Variants in MED13L observed in about 807,000 individuals in gnomAD.
MED13L encodes the protein mediator complex subunit 13L.
A neutral mutation model predicts 220.9 loss-of-function variants in MED13L; 7 were observed. The observed-to-expected ratio is 0.03, with a 90% CI of 0.02 to 0.06. MED13L has a LOEUF of 0.06. Among genes scored for constraint, MED13L ranks in the 10% least tolerant of loss-of-function variants. The pLI is 1.00. For synonymous variants in MED13L, 1,011 were observed against 1,015.2 expected, an observed-to-expected ratio of 1.00 and a Z score of 0.08; for missense variants, 1,965 against 2,760.5, an observed-to-expected ratio of 0.71 and a Z score of 6.46.
chr12:115,971,696 G>A (rs1283785754), intron 26 of MED13L, among the ~76,000 whole-genome samples: 2 of 152,166 alleles, frequency 1.3e-5, no homozygotes, highest in African/African-American at 2.4e-5. Context: ...CGAGGCTGCT[G>A]AGAGATTCTG....
intron 14 of MED13L, among the ~76,000 whole-genome samples, chr12:116,002,189 T>C (rs1159243406): frequency 6.6e-6 from 1 of 152,230 alleles, no homozygotes; most frequent in African/African-American, 2.4e-5. Flanking sequence ...GAGAAAGCTT[T>C]GCATATTTTA....
At chr12:115,962,160 T>C (rs1875808054) in intron 30 of MED13L, among the ~76,000 whole-genome samples, 1 of 152,188 alleles carries the variant, frequency 6.6e-6, no homozygotes, top group Admixed American at 6.5e-5. Context: ...GAGGTTCACA[T>C]TGTATTTCTA....
rs763041697 is a variant in MED13L at position 115,991,310 on chromosome 12, G to T, written c.3644C>A (p.Thr1215Asn). 6.2e-7 allele frequency: 1 copy of T among 1,614,032 alleles called. No homozygotes were observed. The highest frequency in any genetic ancestry group is 2.2e-5 in the East Asian group (1 of 44,870). Residue 1215 changes from threonine to asparagine, a missense_variant, in exon 17 of 31, where the codon ACC (threonine) becomes AAC (asparagine). Transcript: ENST00000281928. The surrounding 1 kb of genome is among the most constrained non-coding windows in gnomAD (Gnocchi z 7.7). ...TATGGGTGGCTCCTGGGGTTTTTTG[G>T]TTCCTTCCACCTGAGGAAGGAAGGT... Reference protein sequence around the residue: ...QSTFLPQVEGTKKPQEPPISL... With the variant: ...QSTFLPQVEGNKKPQEPPISL...
chr12:116,115,599 T>C (rs942348645), intron 2 of MED13L, among the ~76,000 whole-genome samples: 1 of 151,452 alleles, frequency 6.6e-6, no homozygotes, highest in Non-Finnish European at 1.5e-5. Context: ...CAGTTACAAA[T>C]CACATATCTG....
chr12:116,096,159 G>C (rs888618451), intron 4 of MED13L, among the ~76,000 whole-genome samples: 1 of 151,646 alleles, frequency 6.6e-6, no homozygotes, highest in African/African-American at 2.4e-5. Flanking sequence ...TTCGAGACCA[G>C]CCTGGGCAAC....
intron 2 of MED13L, among the ~76,000 whole-genome samples, chr12:116,218,111 G>C (rs1215870627): frequency 2.6e-5 from 4 of 152,104 alleles, no homozygotes; most frequent in African/African-American, 4.8e-5. Context: ...TATCTAATCA[G>C]CCTTTCTCTA....
chr12:116,006,367 A>G lies in MED13L; in HGVS notation c.2283T>C (p.His761=). Residue 761 remains histidine (H), a synonymous_variant, in exon 12 of 31, where the codon CAT becomes CAC. Coordinates refer to ENST00000281928, the MANE Select transcript of MED13L (RefSeq NM_015335.5). ...FGTKDVTTPG[H]STPVPDGKNA... ...TTTTCCCATCAGGCACCGGCGTGGAATGACCTGGTGTAGTGACATCCTTGG... is the reference window on the plus strand; with the variant it reads ...TTTTCCCATCAGGCACCGGCGTGGAGTGACCTGGTGTAGTGACATCCTTGG... 2 of 1,614,116 alleles carry G rather than the reference A, an allele frequency of 1.2e-6. No homozygotes were observed. Among genetic ancestry groups the G allele is most frequent in the Non-Finnish European group, 1.7e-6 (2 of 1,179,962 alleles).
At chr12:116,170,251 T>G (rs561885796) in intron 2 of MED13L, among the ~76,000 whole-genome samples, 3 of 152,208 alleles carry the variant, frequency 2.0e-5, no homozygotes, top group African/African-American at 4.8e-5. Context: ...TGAGAAGTTA[T>G]CAGCTCACAG....
chr12:116,045,073 G>A (rs1235579332), intron 4 of MED13L, among the ~76,000 whole-genome samples: 1 of 151,934 alleles, frequency 6.6e-6, no homozygotes, highest in Non-Finnish European at 1.5e-5. Flanking sequence ...GAAAAGAGGG[G>A]GCCCCTCCTT....
intron 2 of MED13L, among the ~76,000 whole-genome samples, chr12:116,132,241 T>C (rs114563254): frequency 0.022 from 3,221 of 146,050 alleles, 60 homozygotes; most frequent in Middle Eastern, 0.057. Context: ...GATCGTGGCA[T>C]TGCACTCCAG....
chr12:116,197,817 T>TA (rs1419465856), intron 2 of MED13L, among the ~76,000 whole-genome samples: 1 of 151,956 alleles, frequency 6.6e-6, no homozygotes, highest in African/African-American at 2.4e-5. Context: ...AGCTGCTAGC[T>TA]AAAAATCATG....
chr12:116,131,186 T>C, intron 2 of MED13L, among the ~76,000 whole-genome samples: 1 of 152,202 alleles, frequency 6.6e-6, no homozygotes, highest in Non-Finnish European at 1.5e-5. Flanking sequence ...AAAGTTCCAC[T>C]AGTTCAATTC....
chr12:116,255,626 A>G (rs1871978574), intron 1 of MED13L, among the ~76,000 whole-genome samples: 2 of 152,256 alleles, frequency 1.3e-5, no homozygotes, highest in South Asian at 4.1e-4. Flanking sequence ...TCTATCTGCC[A>G]ATGAACTTGT....
intron 23 of MED13L, among the ~76,000 whole-genome samples, chr12:115,976,593 G>A (rs766141009): frequency 3.3e-5 from 5 of 152,160 alleles, no homozygotes; most frequent in Non-Finnish European, 5.9e-5. Flanking sequence ...TCATTCAGCA[G>A]TACACTTATG....
chr12:116,006,431 A>G lies in MED13L; in HGVS notation c.2239-20T>C. On this transcript the variant is annotated intron_variant, in intron 11 of 30. Coordinates refer to ENST00000281928, the MANE Select transcript of MED13L (RefSeq NM_015335.5). Reference sequence around the variant, plus strand: ...CTCTGACTGTATAATAAATTCAGCCAAACAAAACACATGAACACCAACCCA... The same window carrying G: ...CTCTGACTGTATAATAAATTCAGCCGAACAAAACACATGAACACCAACCCA... The G allele has an allele frequency of 6.3e-7, 1 of 1,597,290 alleles. No homozygotes were observed. Among genetic ancestry groups the G allele is most frequent in the South Asian group, 1.1e-5 (1 of 90,728 alleles).
At chr12:116,034,205 C>G (rs1243507909) in intron 4 of MED13L, among the ~76,000 whole-genome samples, 4 of 152,118 alleles carry the variant, frequency 2.6e-5, no homozygotes, top group Non-Finnish European at 2.9e-5. Context: ...GCCCATCTTA[C>G]TAAATTTTGT....
intron 2 of MED13L, among the ~76,000 whole-genome samples, chr12:116,120,463 TCTCTCTCTCTCTCTCACACA>T (rs1386465751): frequency 7.2e-5 from 10 of 138,926 alleles, no homozygotes; most frequent in African/African-American, 2.7e-4. Flanking sequence ...TCTCTCTCTC[TCTCTCTCTCTCTCTCACACA>T]CACACACACA....
rs1211583254 is a variant in MED13L at position 116,031,673 on chromosome 12, GAAAAAAGAAAAGAAA to G, written c.480-9087_480-9073del. Reference sequence around the variant, plus strand: ...CGGGACGGGACGGGACGGGAGAAAAGAAAAAAGAAAAGAAAAGAAAAGAAAAGAAAAGAAAAGAAA... The same window carrying G: ...CGGGACGGGACGGGACGGGAGAAAAGAGAAAAGAAAAGAAAAGAAAAGAAA... On this transcript the variant is annotated intron_variant, in intron 4 of 30. Transcript: ENST00000281928. Among the ~76,000 whole-genome samples, 22 of 84,472 alleles carry G rather than the reference GAAAAAAGAAAAGAAA, an allele frequency of 2.6e-4. 1 individual carries two copies. Among genetic ancestry groups the G allele is most frequent in the Middle Eastern group, 7.1e-3 (1 of 140 alleles). 55.4% of individuals were successfully genotyped at this position (84,472 alleles called of 152,430 possible).
At chr12:116,241,258 T>C (rs1446013427) in intron 1 of MED13L, among the ~76,000 whole-genome samples, 7 of 151,070 alleles carry the variant, frequency 4.6e-5, no homozygotes, top group South Asian at 2.1e-4. Context: ...TGAGCCGAAA[T>C]TGAGCCACTG....
Sources: allele counts gnomAD v4.1 joint callset (sites outside exome capture counted in the v4.1 genomes callset), GRCh38; gene constraint gnomAD v4.1.1; non-coding constraint Gnocchi (gnomAD v3.1); transcripts MANE v1.5; gene names NCBI Gene and HGNC (gene_info 2026-07-23, HGNC 2026-07-21).